Variants in SRBD1 observed in about 807,000 individuals in gnomAD.
SRBD1 encodes S1 RNA-binding domain-containing protein 1.
A neutral mutation model predicts 115.3 loss-of-function variants in SRBD1; 88 were observed. The ratio of observed to expected loss-of-function variants is 0.76; its 90% confidence interval spans 0.64 to 0.91. SRBD1 has a LOEUF of 0.91. Ranked by LOEUF, SRBD1 falls within the 40% of genes least tolerant of loss-of-function variation. The pLI is 0.00. For synonymous variants in SRBD1, 509 were observed against 407.7 expected (o/e 1.25, Z -2.99); for missense variants, 1,385 against 1,177.4 (o/e 1.18, Z -2.58).
intron 12 of SRBD1, among the ~76,000 whole-genome samples, 162 bp from the exon 13 acceptor site, chr2:45,547,774 C>G (rs1031418939): frequency 6.6e-6 from 1 of 152,198 alleles, no homozygotes; most frequent in African/African-American, 2.4e-5. Flanking sequence ...CCTAACCTCT[C>G]TGAAGTATTG....
chr2:45,610,200 C>T (rs1358052409), intron 1 of SRBD1, among the ~76,000 whole-genome samples: 1 of 152,126 alleles, frequency 6.6e-6, no homozygotes, highest in Non-Finnish European at 1.5e-5. Flanking sequence ...AAGGGAAGAG[C>T]CACTAAACTA....
chr2:45,519,798 T>C (rs376406621), intron 14 of SRBD1, among the ~76,000 whole-genome samples: 2 of 152,308 alleles, frequency 1.3e-5, no homozygotes, highest in Admixed American at 6.5e-5. Context: ...TATACAGTAA[T>C]GGAGCCTTCT....
intron 16 of SRBD1, among the ~76,000 whole-genome samples, chr2:45,451,251 G>C (rs989230668): frequency 6.6e-6 from 1 of 152,036 alleles, no homozygotes; most frequent in African/African-American, 2.4e-5. Context: ...AGAATGAAAT[G>C]TAGCCTCAAG....
At chr2:45,405,031 C>A (rs1023346575) in intron 19 of SRBD1, among the ~76,000 whole-genome samples, 7 of 152,094 alleles carry the variant, frequency 4.6e-5, no homozygotes, top group African/African-American at 1.7e-4. Flanking sequence ...CGATGACTAC[C>A]CTACTTAAAT....
At chr2:45,395,828 C>G (rs1667132105) in intron 19 of SRBD1, among the ~76,000 whole-genome samples, 1 of 152,134 alleles carries the variant, frequency 6.6e-6, no homozygotes, top group Non-Finnish European at 1.5e-5. Flanking sequence ...ATTCAATAAA[C>G]ATATGTTCCT....
intron 3 of SRBD1, among the ~76,000 whole-genome samples, chr2:45,601,097 G>C (rs1572828456): frequency 6.6e-6 from 1 of 152,174 alleles, no homozygotes; most frequent in Non-Finnish European, 1.5e-5. Context: ...TCTAAAGAAA[G>C]TGTCAATCAT....
intron 14 of SRBD1, among the ~76,000 whole-genome samples, chr2:45,539,864 A>C (rs1438684280): frequency 6.6e-6 from 1 of 152,214 alleles, no homozygotes; most frequent in African/African-American, 2.4e-5. Flanking sequence ...CAGAACCAGC[A>C]ATTACAGCAT....
intron 10 of SRBD1, among the ~76,000 whole-genome samples, chr2:45,562,172 T>A (rs978596854): frequency 3.3e-5 from 5 of 152,208 alleles, no homozygotes; most frequent in Non-Finnish European, 5.9e-5. Flanking sequence ...TTTTATTATT[T>A]TTTTTAATTC....
In SRBD1 at chr2:45,557,701, C is replaced by T. The variant is rs144350092; in HGVS notation, c.1410-3971G>A. Among the ~76,000 whole-genome samples the T allele has an allele frequency of 5.5e-3, 832 of 152,290 alleles. 8 individuals are homozygous for T. Among genetic ancestry groups the T allele is most frequent in the African/African-American group, 0.019 (782 of 41,550 alleles). On this transcript the variant is annotated intron_variant, in intron 10 of 20. Coordinates refer to ENST00000263736, the MANE Select transcript of SRBD1 (RefSeq NM_018079.5). ...CCTGGGATTTATTGAAGGCACTTAG[C>T]ATACTAAGGAACCTGAAATAGTATA...
At chr2:45,476,703 AAAG>A (rs1337811967) in intron 16 of SRBD1, among the ~76,000 whole-genome samples, 1 of 152,208 alleles carries the variant, frequency 6.6e-6, no homozygotes. Flanking sequence ...AATAATGTTA[AAAG>A]AAGAGGCTCT....
chr2:45,551,694 T>C (rs1296180005), intron 11 of SRBD1, among the ~76,000 whole-genome samples: 1 of 152,074 alleles, frequency 6.6e-6, no homozygotes, highest in Admixed American at 6.6e-5. Context: ...TCATGGCTCA[T>C]CATAGAAACA....
chr2:45,580,470 C>G (rs1673318207), intron 6 of SRBD1, among the ~76,000 whole-genome samples: 1 of 150,402 alleles, frequency 6.6e-6, no homozygotes, highest in South Asian at 2.1e-4. Flanking sequence ...CTCAGTCTCC[C>G]AGGTAGCTGG....
At chr2:45,492,869 TTAAAA>T (rs1231643601) in intron 14 of SRBD1, among the ~76,000 whole-genome samples, 7 of 152,254 alleles carry the variant, frequency 4.6e-5, no homozygotes, top group Middle Eastern at 3.2e-3. Context: ...TTTTCTGATT[TTAAAA>T]TAAATTACAT....
chr2:45,557,446 T>C (rs2104083283), intron 10 of SRBD1, among the ~76,000 whole-genome samples: 1 of 152,266 alleles, frequency 6.6e-6, no homozygotes, highest in South Asian at 2.1e-4. Context: ...CCCCCAGTAG[T>C]CTTCTTCAAG....
chr2:45,407,133 T>C (rs1558557505), intron 19 of SRBD1, among the ~76,000 whole-genome samples: 1 of 152,152 alleles, frequency 6.6e-6, no homozygotes, highest in Non-Finnish European at 1.5e-5. Flanking sequence ...AGAGACTCTG[T>C]ATACCTGAAG....
At chr2:45,497,277 G>C (rs1190902038) in intron 14 of SRBD1, among the ~76,000 whole-genome samples, 1 of 152,146 alleles carries the variant, frequency 6.6e-6, no homozygotes. Context: ...GACATACCAA[G>C]AACATGAAAG....
At chr2:45,479,693 G>A (rs554966677) in intron 15 of SRBD1, among the ~76,000 whole-genome samples, 2 of 152,192 alleles carry the variant, frequency 1.3e-5, no homozygotes, top group Non-Finnish European at 2.9e-5. Flanking sequence ...TGCTGATGTA[G>A]AAGCTGTAGC....
chr2:45,459,375 G>A (rs1308570283), intron 16 of SRBD1, among the ~76,000 whole-genome samples: 1 of 152,108 alleles, frequency 6.6e-6, no homozygotes, highest in African/African-American at 2.4e-5. Flanking sequence ...CAGCAACGCT[G>A]CCACTCTCTC....
At chr2:45,495,237 A>G (rs1463474799) in intron 14 of SRBD1, among the ~76,000 whole-genome samples, 1 of 152,236 alleles carries the variant, frequency 6.6e-6, no homozygotes, top group South Asian at 2.1e-4. Context: ...ATTACCAACT[A>G]AAAAGCAGAG....
Sources: allele counts gnomAD v4.1 joint callset (sites outside exome capture counted in the v4.1 genomes callset), GRCh38; gene constraint gnomAD v4.1.1; transcripts MANE v1.5; gene names NCBI Gene and HGNC (gene_info 2026-07-23, HGNC 2026-07-21).